PCDHA1: variants seen among roughly 807,000 people sequenced by gnomAD.
The protein encoded by PCDHA1 is protocadherin alpha 1.
In PCDHA1, 42 loss-of-function variants were observed where a neutral mutation model predicts 61.3. That is an observed-to-expected ratio of 0.69 (90% CI 0.54 to 0.89). The LOEUF (loss-of-function observed/expected upper bound fraction) is 0.89. PCDHA1 is among the 40% of genes least tolerant of loss of function. The pLI is 0.00. For missense variants in PCDHA1, 1,256 were observed against 1,235.3 expected (o/e 1.02, Z -0.25); for synonymous variants, 610 against 553.8 (o/e 1.10, Z -1.43).
chr5:140,975,396 A>G (rs1366048936), intron 1 of PCDHA1, among the ~76,000 whole-genome samples: 2 of 152,248 alleles, frequency 1.3e-5, no homozygotes, highest in African/African-American at 4.8e-5. Flanking sequence ...GATCCATCAC[A>G]ATCACAGTCT....
At chr5:140,830,405 T>C (rs1771047305) in intron 1 of PCDHA1, 3 of 1,614,172 alleles carry the variant, frequency 1.9e-6, no homozygotes, top group Non-Finnish European at 2.5e-6. Context: ...TCTCATGGCC[T>C]TTAGCCCCAG....
chr5:140,944,569 G>A (rs2093670092), intron 1 of PCDHA1, among the ~76,000 whole-genome samples: 1 of 152,158 alleles, frequency 6.6e-6, no homozygotes, highest in African/African-American at 2.4e-5. Context: ...GCAACTTACT[G>A]TAGAGATCAC....
rs1554181343 is a variant in PCDHA1, at chr5:140,884,223, A to G, written c.2395-94726A>G. ...CACCACCGCCTTCTGGTGCTGGTGAAGGACCACGGTGAGCCCGCGCTGACG... is the reference window on the plus strand; with the variant it reads ...CACCACCGCCTTCTGGTGCTGGTGAGGGACCACGGTGAGCCCGCGCTGACG... On this transcript the variant is annotated intron_variant, in intron 1 of 3. Coordinates refer to ENST00000504120, the MANE Select transcript of PCDHA1 (RefSeq NM_018900.4). 1.1e-5 allele frequency: 17 copies of G among 1,613,364 alleles called. No homozygotes were observed. The highest frequency in any genetic ancestry group is 1.7e-5 in the Admixed American group (1 of 59,998).
At chr5:140,940,731 G>C (rs1195223562) in intron 1 of PCDHA1, among the ~76,000 whole-genome samples, 1 of 152,280 alleles carries the variant, frequency 6.6e-6, no homozygotes, top group South Asian at 2.1e-4. Context: ...CAGCTGGACA[G>C]CTCCATATTT....
intron 1 of PCDHA1, chr5:140,828,283 C>T: frequency 1.2e-6 from 2 of 1,614,118 alleles, no homozygotes; most frequent in Non-Finnish European, 8.5e-7. Context: ...CGCGCCTGTT[C>T]AGGATGGCCT....
At chr5:140,925,141 A>G (rs1287522151) in intron 1 of PCDHA1, among the ~76,000 whole-genome samples, 1 of 151,690 alleles carries the variant, frequency 6.6e-6, no homozygotes, top group Non-Finnish European at 1.5e-5. Context: ...TTTCAAACAT[A>G]CACAAAAGTT....
At chr5:140,850,096 A>C (rs2150466906) in intron 1 of PCDHA1, 2 of 1,596,118 alleles carry the variant, frequency 1.3e-6, no homozygotes, top group African/African-American at 1.3e-5. Context: ...CTACAGTTCC[A>C]GGTGAGCGCG....
chr5:140,807,483 G>A lies in PCDHA1; in HGVS notation c.2394+18799G>A, dbSNP rs371525794. On this transcript the variant is annotated intron_variant, in intron 1 of 3. Coordinates refer to ENST00000504120, the MANE Select transcript of PCDHA1 (RefSeq NM_018900.4). ...GACCGGGAGGAGCTGTGCCGGCGGA[G>A]CGCGGAGTGCAGCATCCACCTGGAG... is the stretch of plus-strand genomic sequence containing the variant. 18 of 1,613,438 alleles carry A rather than the reference G, an allele frequency of 1.1e-5. No homozygotes were observed. In the African/African-American group the frequency reaches 1.7e-4, roughly 16 times the overall value.
intron 1 of PCDHA1, chr5:140,871,263 G>T: frequency 6.2e-7 from 1 of 1,614,010 alleles, no homozygotes; most frequent in South Asian, 1.1e-5. Flanking sequence ...ATACGGCGCT[G>T]TGGTGGTCGG....
chr5:140,863,268 G>T (rs781869652), intron 1 of PCDHA1: 5 of 1,459,234 alleles, frequency 3.4e-6, no homozygotes, highest in African/African-American at 1.4e-5. Flanking sequence ...GGGAGGCAGC[G>T]CTGGTGGATG....
Position 140,787,247 on chromosome 5 carries a change from AG to A in PCDHA1, c.958del (p.Val320Ter). On this transcript the variant is annotated frameshift_variant, in exon 1 of 4. Coordinates refer to ENST00000504120, the MANE Select transcript of PCDHA1 (RefSeq NM_018900.4). LOFTEE classifies it high-confidence loss of function. Reference sequence around the variant, plus strand: ...AAGAAACAAAATCCTACGAAATTCAAGTAAAGGCAGTTGATAAAGGAAGTCC... The same window carrying A: ...AAGAAACAAAATCCTACGAAATTCAATAAAGGCAGTTGATAAAGGAAGTCC... ...YEETKSYEIQVKAVDKGSPPM... is the reference protein window; with the variant it reads ...YEETKSYEIQXKAVDKGSPPM... 6.2e-7 allele frequency: 1 copy of A among 1,614,220 alleles called. No individual in the cohort carries two copies. The highest frequency in any genetic ancestry group is 8.5e-7 in the Non-Finnish European group (1 of 1,180,036).
intron 1 of PCDHA1, among the ~76,000 whole-genome samples, chr5:140,964,435 C>G (rs2095833359): frequency 6.6e-6 from 1 of 152,108 alleles, no homozygotes; most frequent in African/African-American, 2.4e-5. Context: ...AATTACCAAG[C>G]CTCTGCCACT....
intron 1 of PCDHA1, chr5:140,861,593 A>G: frequency 2.7e-6 from 1 of 371,316 alleles, no homozygotes; most frequent in South Asian, 2.5e-5. Context: ...TGGAGGTGAA[A>G]GTGAAGAACA....
intron 1 of PCDHA1, chr5:140,828,856 A>G (rs2150159802): frequency 6.2e-7 from 1 of 1,614,138 alleles, no homozygotes; most frequent in Non-Finnish European, 8.5e-7. Flanking sequence ...TCGAAAATGC[A>G]GACAACGGAA....
rs1218240596 is a variant in PCDHA1 at position 140,796,712 on chromosome 5, G to A, written c.2394+8028G>A. On this transcript the variant is annotated intron_variant, in intron 1 of 3. Coordinates refer to ENST00000504120, the MANE Select transcript of PCDHA1 (RefSeq NM_018900.4). Reference sequence around the variant, plus strand: ...GGCGCAGTGAGTGAGCTGGTGCCGTGGTCGGTGGGTGCAGGGCACGTGGTG... The same window carrying A: ...GGCGCAGTGAGTGAGCTGGTGCCGTAGTCGGTGGGTGCAGGGCACGTGGTG... 2.5e-6 allele frequency: 4 copies of A among 1,613,880 alleles called. No homozygotes were observed. The African/African-American group carries it at 4.0e-5, about 16-fold the overall frequency.
chr5:140,852,292 T>C (rs1554145741), intron 1 of PCDHA1: 1 of 478,914 alleles, frequency 2.1e-6, no homozygotes, highest in African/African-American at 2.1e-5. Context: ...CTTTTTATTT[T>C]TCTGAGACGG....
chr5:140,828,871 A>G, intron 1 of PCDHA1: 1 of 1,614,250 alleles, frequency 6.2e-7, no homozygotes. Flanking sequence ...ACGGAACAAC[A>G]GTTATCAGAC....
At chr5:140,807,866 C>A (rs782155979) in intron 1 of PCDHA1, 1 of 1,614,132 alleles carries the variant, frequency 6.2e-7, no homozygotes, top group Non-Finnish European at 8.5e-7. Context: ...TGGCACCGTT[C>A]AGTTACTCAT....
chr5:140,972,479 C>T (rs782631191), intron 1 of PCDHA1, among the ~76,000 whole-genome samples: 1 of 151,994 alleles, frequency 6.6e-6, no homozygotes, highest in Non-Finnish European at 1.5e-5. Flanking sequence ...CAGCATTTAA[C>T]CCCAGACTCT....
Sources: allele counts gnomAD v4.1 joint callset (sites outside exome capture counted in the v4.1 genomes callset), GRCh38; gene constraint gnomAD v4.1.1; transcripts MANE v1.5; gene names NCBI Gene and HGNC (gene_info 2026-07-23, HGNC 2026-07-21).